THSD7B: variants seen among roughly 807,000 people sequenced by gnomAD.
The protein encoded by THSD7B is thrombospondin type-1 domain-containing protein 7B.
In THSD7B, 138 loss-of-function variants were observed where a neutral mutation model predicts 213.6. The ratio of observed to expected loss-of-function variants is 0.65; its 90% CI spans 0.56 to 0.74. The LOEUF (loss-of-function observed/expected upper bound fraction) is 0.74, where lower values mean the gene tolerates loss of function less well. Ranked by LOEUF, THSD7B falls within the 30% of genes least tolerant of loss-of-function variation. The pLI is 0.00. For missense variants in THSD7B, 1,931 were observed against 1,991.5 expected (o/e 0.97, Z 0.58); for synonymous variants, 742 against 687.0 (o/e 1.08, Z -1.25).
chr2:137,635,959 C>A (rs1682825548), intron 20 of THSD7B, among the ~76,000 whole-genome samples: 1 of 152,244 alleles, frequency 6.6e-6, no homozygotes, highest in Admixed American at 6.5e-5. Context: ...CGTCTTGCAT[C>A]CCAAACTGCT....
chr2:137,492,319 C>T (rs1028908291), intron 15 of THSD7B, among the ~76,000 whole-genome samples: 5 of 152,134 alleles, frequency 3.3e-5, no homozygotes, highest in Admixed American at 6.5e-5. Context: ...CATCCCTACC[C>T]ACTCATTATC....
At chr2:136,905,109 T>C (rs1213719001) in intron 2 of THSD7B, among the ~76,000 whole-genome samples, 4 of 152,234 alleles carry the variant, frequency 2.6e-5, no homozygotes. Context: ...TGTGGGTTGC[T>C]AAGACAATGC....
At chr2:137,242,656 T>C (rs7605259) in intron 10 of THSD7B, 84 bp downstream of exon 10, 829,450 of 859,230 alleles carry the variant, frequency 0.97, 400,723 homozygotes, top group Middle Eastern at 0.98. Flanking sequence ...TTGTGGAATG[T>C]GAGCACCTTT....
chr2:137,053,971 T>G (rs926505554), intron 2 of THSD7B, among the ~76,000 whole-genome samples: 26 of 152,328 alleles, frequency 1.7e-4, no homozygotes, highest in Admixed American at 9.8e-4. Flanking sequence ...ATAATAAAAA[T>G]TTATATGAAT....
chr2:137,288,439 A>T (rs1683236086), intron 12 of THSD7B, among the ~76,000 whole-genome samples: 1 of 152,138 alleles, frequency 6.6e-6, no homozygotes, highest in Non-Finnish European at 1.5e-5. Context: ...AGGATATGAG[A>T]AGTAGGAACT....
intron 5 of THSD7B, among the ~76,000 whole-genome samples, chr2:137,121,211 A>C (rs2104944037): frequency 6.6e-6 from 1 of 152,334 alleles, no homozygotes; most frequent in Middle Eastern, 3.4e-3. Context: ...AAAATTTCCT[A>C]ATTTATTTAG....
At chr2:137,455,536 T>C (rs537532716) in intron 15 of THSD7B, among the ~76,000 whole-genome samples, 1 of 152,326 alleles carries the variant, frequency 6.6e-6, no homozygotes, top group Admixed American at 6.5e-5. Flanking sequence ...CATAAAAGCC[T>C]CCTTTTTAAA....
chr2:137,289,941 T>C (rs552198744), intron 12 of THSD7B, among the ~76,000 whole-genome samples: 1 of 152,088 alleles, frequency 6.6e-6, no homozygotes, highest in South Asian at 2.1e-4. Context: ...TTTTTCTTTC[T>C]TCTAAACTCC....
intron 15 of THSD7B, among the ~76,000 whole-genome samples, chr2:137,557,143 A>G (rs1236021407): frequency 6.6e-6 from 1 of 152,190 alleles, no homozygotes; most frequent in East Asian, 1.9e-4. Flanking sequence ...CAAGACAGAA[A>G]GTTAAGAGGG....
At chr2:137,417,045 A>G (rs1351291025) in intron 14 of THSD7B, among the ~76,000 whole-genome samples, 1 of 152,224 alleles carries the variant, frequency 6.6e-6, no homozygotes, top group East Asian at 1.9e-4. Context: ...TTAGTATATC[A>G]TCCACATGTA....
At chr2:136,943,616 G>A (rs1684873414) in intron 2 of THSD7B, among the ~76,000 whole-genome samples, 1 of 152,166 alleles carries the variant, frequency 6.6e-6, no homozygotes, top group Non-Finnish European at 1.5e-5. Flanking sequence ...TTGGGAGGGT[G>A]TATGTGTTCA....
At chr2:137,627,635 C>G (rs1321565839) in intron 20 of THSD7B, among the ~76,000 whole-genome samples, 1 of 152,176 alleles carries the variant, frequency 6.6e-6, no homozygotes, top group Non-Finnish European at 1.5e-5. Flanking sequence ...AAAAGGTGCT[C>G]ATCTGTGAAC....
chr2:137,551,178 C>T (rs1055764494), intron 15 of THSD7B, among the ~76,000 whole-genome samples: 1 of 151,898 alleles, frequency 6.6e-6, no homozygotes, highest in African/African-American at 2.4e-5. Context: ...CTGTTATATG[C>T]ATATATAAGC....
intron 1 of THSD7B, among the ~76,000 whole-genome samples, chr2:136,830,732 A>C (rs1395901940): frequency 6.6e-6 from 1 of 152,170 alleles, no homozygotes; most frequent in African/African-American, 2.4e-5. Context: ...CCTATTTTTC[A>C]AATGTTTCAT....
chr2:137,190,547 A>G (rs1360646830), intron 7 of THSD7B, among the ~76,000 whole-genome samples: 2 of 152,110 alleles, frequency 1.3e-5, no homozygotes, highest in African/African-American at 2.4e-5. Flanking sequence ...GACTTTGATG[A>G]CACTTGGCAA....
chr2:137,645,864 A>G (rs138920543), intron 21 of THSD7B, among the ~76,000 whole-genome samples: 3 of 152,194 alleles, frequency 2.0e-5, no homozygotes, highest in Non-Finnish European at 2.9e-5. Flanking sequence ...ATATGGAATA[A>G]TAAGTTATAA....
chr2:136,858,261 C>T (rs1683205049), intron 1 of THSD7B, among the ~76,000 whole-genome samples: 1 of 152,106 alleles, frequency 6.6e-6, no homozygotes, highest in South Asian at 2.1e-4. Context: ...TGGAATCCTT[C>T]CTTTTGGGGA....
At chr2:137,533,442 T>C (rs937944625) in intron 15 of THSD7B, among the ~76,000 whole-genome samples, 1 of 151,862 alleles carries the variant, frequency 6.6e-6, no homozygotes, top group Non-Finnish European at 1.5e-5. Context: ...CTCCTTCAAC[T>C]CAATACTCTA....
At chr2:137,204,853 A>C (rs1680950438) in intron 7 of THSD7B, among the ~76,000 whole-genome samples, 2 of 152,122 alleles carry the variant, frequency 1.3e-5, no homozygotes, top group Non-Finnish European at 2.9e-5. Context: ...AAGGAAAAAA[A>C]GTCGCTGAAA....
Sources: gnomAD v4.1 joint callset for allele counts (sites outside exome capture counted in the v4.1 genomes callset) on GRCh38, gnomAD v4.1.1 for gene constraint, MANE v1.5 for transcripts, NCBI Gene and HGNC (gene_info 2026-07-23, HGNC 2026-07-21) for gene names.